The following PDE4D variants were observed in gnomAD, a reference collection of about 807,000 sequenced individuals.
PDE4D encodes the protein phosphodiesterase 4D, also known as 3',5'-cyclic-AMP phosphodiesterase 4D.
A neutral mutation model predicts 87.4 loss-of-function variants in PDE4D; 24 were observed. The ratio of observed to expected loss-of-function variants is 0.27; its 90% CI spans 0.20 to 0.39. The LOEUF is 0.39. Ranked by LOEUF, PDE4D falls within the 10% of genes least tolerant of loss-of-function variation. The pLI is 1.00. For missense variants in PDE4D, 714 were observed against 1,041.0 expected, an observed-to-expected ratio of 0.69 and a Z score of 4.32; for synonymous variants, 384 against 383.2, an observed-to-expected ratio of 1.00 and a Z score of -0.02.
intron 1 of PDE4D, chr5:60,304,277 T>C (rs1432641538): frequency 6.6e-6 from 1 of 151,742 alleles, no homozygotes; most frequent in East Asian, 1.9e-4. Flanking sequence ...GAGCAGAAAG[T>C]AGGGGAGAGA....
At chr5:60,240,075 C>T (rs1446034543) in intron 1 of PDE4D, among the ~76,000 whole-genome samples, 2 of 151,946 alleles carry the variant, frequency 1.3e-5, no homozygotes, top group Non-Finnish European at 2.9e-5. Flanking sequence ...CCATGTTAAC[C>T]TATTTATTAG....
rs575143483 is a variant in PDE4D at position 60,242,735 on chromosome 5, C to T, written c.-89-57048G>A. Among the ~76,000 whole-genome samples the T allele has an allele frequency of 1.1e-4, 16 of 151,922 alleles. No homozygotes were observed. The East Asian group carries it at 1.2e-3, about 11-fold the overall frequency. ...AAACAATATGCTCCTGAATGACCAA[C>T]GGGTCATGAAGAAATTAAGAGGGAA... On this transcript the variant is annotated intron_variant, in intron 1 of 16. Transcript: ENST00000502484.
intron 1 of PDE4D, among the ~76,000 whole-genome samples, chr5:60,498,954 A>T (rs910732407): frequency 6.6e-6 from 1 of 152,190 alleles, no homozygotes; most frequent in African/African-American, 2.4e-5. Flanking sequence ...CATTCCACCT[A>T]GGTGATCAGC....
intron 2 of PDE4D, among the ~76,000 whole-genome samples, chr5:60,060,217 A>T (rs1771243448): frequency 6.6e-6 from 1 of 152,022 alleles, no homozygotes; most frequent in Non-Finnish European, 1.5e-5. Flanking sequence ...ATATGCCCAC[A>T]CTACTTTGAT....
In PDE4D at chr5:60,184,656, C is replaced by T. The variant is rs142250491; in HGVS notation, c.42+901G>A. Among the ~76,000 whole-genome samples the T allele has an allele frequency of 2.6e-5, 4 of 152,262 alleles. No individual in the cohort carries two copies. In the East Asian group the frequency reaches 7.7e-4, roughly 29 times the overall value. On this transcript the variant is annotated intron_variant, in intron 2 of 16. Transcript: ENST00000502484. The stretch of plus-strand genomic sequence containing the variant: ...TATACTTTATCTGCACATACTCATG[C>T]CTCACCCTTAAAAGCTGGATGGTAA...
Position 59,692,045 on chromosome 5 carries a change from A to G in PDE4D, c.455+201123T>C, listed in dbSNP as rs188513818. 9.6e-4 allele frequency among the ~76,000 whole-genome samples: 146 copies of G among 152,224 alleles called. 3 individuals carry two copies. In the East Asian group the frequency reaches 0.027, roughly 28 times the overall value. Reference sequence around the variant, plus strand: ...TCTTGTTAAAATATATGATAGGAAGAATTCATAGGTTTCATCCTCTGGCTT... The same window carrying G: ...TCTTGTTAAAATATATGATAGGAAGGATTCATAGGTTTCATCCTCTGGCTT... On this transcript the variant is annotated intron_variant, in intron 1 of 14. Transcript: ENST00000340635.
rs577797086 is a variant in PDE4D, at chr5:59,464,144, T to C, written c.456-248176A>G. Among the ~76,000 whole-genome samples the C allele has an allele frequency of 6.2e-4, 95 of 152,288 alleles. 1 individual carries two copies. Among genetic ancestry groups the C allele is most frequent in the African/African-American group, 2.2e-3 (91 of 41,574 alleles). ...TTGTTCAAGGTTTCTCCCCATGTGA[T>C]AGTCTGAAATATGGCCTCGTGGGAA... On this transcript the variant is annotated intron_variant, in intron 1 of 14. Coordinates refer to ENST00000340635, the MANE Select transcript of PDE4D (RefSeq NM_001104631.2).
intron 1 of PDE4D, among the ~76,000 whole-genome samples, chr5:59,861,241 T>C (rs1362799976): frequency 1.3e-5 from 2 of 152,174 alleles, no homozygotes. Context: ...CAATAACCTA[T>C]ATTTAATTTA....
intron 1 of PDE4D, among the ~76,000 whole-genome samples, chr5:59,860,977 G>A (rs974094687): frequency 2.0e-5 from 3 of 151,438 alleles, no homozygotes; most frequent in Non-Finnish European, 4.4e-5. Flanking sequence ...TCCTGACTCA[G>A]CCTCCCAAGT....
chr5:60,220,374 T>A (rs1240633876), intron 1 of PDE4D, among the ~76,000 whole-genome samples: 2 of 152,200 alleles, frequency 1.3e-5, no homozygotes, highest in Admixed American at 6.5e-5. Context: ...GTTTCATCTC[T>A]AATGGCAACC....
chr5:59,247,371 C>A (rs1423657113), intron 1 of PDE4D, among the ~76,000 whole-genome samples: 3 of 152,140 alleles, frequency 2.0e-5, no homozygotes, highest in East Asian at 1.9e-4. Flanking sequence ...AGGAAGCCTG[C>A]ATTTATTGAG....
intron 1 of PDE4D, among the ~76,000 whole-genome samples, chr5:59,381,848 A>AT (rs34984294): frequency 0.16 from 23,697 of 151,844 alleles, 1,995 homozygotes; most frequent in East Asian, 0.22. Context: ...AGTTACAGCC[A>AT]TTTTTTTTAT....
chr5:59,107,797 G>C (rs1024479023), intron 5 of PDE4D, among the ~76,000 whole-genome samples: 1 of 152,140 alleles, frequency 6.6e-6, no homozygotes, highest in African/African-American at 2.4e-5. Context: ...CAAAAAATTG[G>C]CCACATGCCA....
At chr5:59,388,668 C>G (rs775578004) in intron 1 of PDE4D, among the ~76,000 whole-genome samples, 1 of 150,004 alleles carries the variant, frequency 6.7e-6, no homozygotes, top group Non-Finnish European at 1.5e-5. Flanking sequence ...AGAATTCTAC[C>G]CAGCCCTGAA....
intron 1 of PDE4D, among the ~76,000 whole-genome samples, chr5:60,344,748 T>C (rs997202721): frequency 6.6e-5 from 10 of 152,170 alleles, no homozygotes; most frequent in South Asian, 4.1e-4. Flanking sequence ...TTATTATCTA[T>C]CCAAAGATTT....
At chr5:59,630,120 T>C (rs1831378387) in intron 1 of PDE4D, among the ~76,000 whole-genome samples, 1 of 152,242 alleles carries the variant, frequency 6.6e-6, no homozygotes, top group South Asian at 2.1e-4. Context: ...GTTGAATCTA[T>C]CTGTGAATAT....
chr5:59,109,322 C>T (rs116551174), intron 5 of PDE4D, among the ~76,000 whole-genome samples: 3,467 of 152,242 alleles, frequency 0.023, 164 homozygotes, highest in African/African-American at 0.08. Context: ...GCAACCACAA[C>T]AAAACATGCA....
chr5:59,431,906 G>A (rs141191733), intron 1 of PDE4D, among the ~76,000 whole-genome samples: 6 of 152,154 alleles, frequency 3.9e-5, no homozygotes, highest in Non-Finnish European at 5.9e-5. Flanking sequence ...GTGTTAGTTT[G>A]CTAAGGATAA....
At chr5:59,453,693 G>T (rs1426496891) in intron 1 of PDE4D, among the ~76,000 whole-genome samples, 1 of 152,320 alleles carries the variant, frequency 6.6e-6, no homozygotes, top group African/African-American at 2.4e-5. Flanking sequence ...CAGAAGAAAA[G>T]GTTGAAGCCA....
Sources: allele counts gnomAD v4.1 joint callset (sites outside exome capture counted in the v4.1 genomes callset), GRCh38; gene constraint gnomAD v4.1.1; transcripts MANE v1.5; gene names NCBI Gene and HGNC (gene_info 2026-07-23, HGNC 2026-07-21).